FRYL: variants seen among roughly 807,000 people sequenced by gnomAD.
FRYL encodes the protein protein furry homolog-like.
Under a neutral mutation model 351.2 loss-of-function variants are expected in FRYL, and 150 were observed. That is an observed-to-expected ratio of 0.43 (90% confidence interval 0.37 to 0.49). The LOEUF (loss-of-function observed/expected upper bound fraction) is 0.49, where lower values mean the gene tolerates loss of function less well. FRYL is among the 20% of genes least tolerant of loss of function. FRYL has a pLI of 0.00. For synonymous variants in FRYL, 1,153 were observed against 1,257.1 expected (o/e 0.92, Z 1.75); for missense variants, 3,036 against 3,619.3 (o/e 0.84, Z 4.13).
intron 57 of FRYL, among the ~76,000 whole-genome samples, chr4:48,511,815 G>A (rs754916546): frequency 3.9e-5 from 6 of 152,108 alleles, no homozygotes; most frequent in Non-Finnish European, 8.8e-5. Context: ...CTTCCAAGAT[G>A]GGCAAAATTT....
chr4:48,624,801 C>T lies in FRYL; in HGVS notation c.121-1622G>A, dbSNP rs1298920923. Reference sequence around the variant, plus strand: ...CAGGAGCCTGAGTAAAGCAGATTGCCTTCCCCTATGTGGGTAGGTTTCATC... The same window carrying T: ...CAGGAGCCTGAGTAAAGCAGATTGCTTTCCCCTATGTGGGTAGGTTTCATC... On this transcript the variant is annotated intron_variant, in intron 4 of 63. Coordinates refer to ENST00000358350, the MANE Select transcript of FRYL (RefSeq NM_015030.2). Among the ~76,000 whole-genome samples, 3 of 152,168 alleles carry T rather than the reference C, an allele frequency of 2.0e-5. No individual in the cohort carries two copies. The East Asian group carries it at 5.8e-4, about 29-fold the overall frequency.
intron 3 of FRYL, among the ~76,000 whole-genome samples, chr4:48,653,120 C>G (rs944885186): frequency 6.6e-6 from 1 of 152,074 alleles, no homozygotes; most frequent in Admixed American, 6.6e-5. Flanking sequence ...AAGAGAGTTA[C>G]GGACAGAATA....
At chr4:48,642,538 G>A (rs535500322) in intron 3 of FRYL, among the ~76,000 whole-genome samples, 3 of 151,830 alleles carry the variant, frequency 2.0e-5, no homozygotes, top group Non-Finnish European at 4.4e-5. Flanking sequence ...ACTTCTGCTT[G>A]TTCTTTGGAC....
chr4:48,680,631 A>C (rs1344511813), intron 3 of FRYL, among the ~76,000 whole-genome samples: 2 of 152,068 alleles, frequency 1.3e-5, no homozygotes, highest in Non-Finnish European at 2.9e-5. Flanking sequence ...TTTTTTGTTT[A>C]CATATCCTAT....
rs200315334 is a variant in FRYL, at chr4:48,499,690, C to T, written c.8784-10G>A. ...ACTGGGCCAGAGAGATCTGAAAATA[C>T]ACAATAGTTTTTCAGTTCTGAGACT... On this transcript the variant is annotated splice_polypyrimidine_tract_variant and intron_variant, in intron 63 of 63. Transcript: ENST00000358350. The T allele has an allele frequency of 3.2e-5, 52 of 1,610,696 alleles. No individual in the cohort carries two copies. Among genetic ancestry groups the T allele is most frequent in the Non-Finnish European group, 3.7e-5 (44 of 1,178,024 alleles).
At chr4:48,515,989 C>A (rs1723510925) in intron 55 of FRYL, among the ~76,000 whole-genome samples, 1 of 152,020 alleles carries the variant, frequency 6.6e-6, no homozygotes, top group Non-Finnish European at 1.5e-5. Flanking sequence ...AAATAATTAA[C>A]CCACTCGTCC....
intron 1 of FRYL, among the ~76,000 whole-genome samples, chr4:48,720,535 A>T (rs551139523): frequency 4.6e-5 from 7 of 152,202 alleles, no homozygotes; most frequent in African/African-American, 1.7e-4. Flanking sequence ...ATTAAAATTT[A>T]AAAAAGGTGT....
Position 48,649,167 on chromosome 4 carries a change from T to C in FRYL, c.-80-14677A>G, listed in dbSNP as rs149652031. Among the ~76,000 whole-genome samples the C allele has an allele frequency of 1.6e-3, 238 of 152,276 alleles. 1 individual carries two copies. The highest frequency in any genetic ancestry group is 5.5e-3 in the African/African-American group (230 of 41,564). ...AACAAATGGTATTATTTCAATCAAA[T>C]AACACAGATTTTAACTGAAATTTAG... On this transcript the variant is annotated intron_variant, in intron 3 of 63. Coordinates refer to ENST00000358350, the MANE Select transcript of FRYL (RefSeq NM_015030.2).
rs907164520 is a variant in FRYL, at chr4:48,553,117, A to G, written c.4435+98T>C. On this transcript the variant is annotated intron_variant, in intron 36 of 63. Transcript: ENST00000358350. ...ATTGTATATATCTGAGATTCATAAC[A>G]TGTTATGGGACATAGAGACCCTAAA... 19 of 801,264 alleles carry G rather than the reference A, an allele frequency of 2.4e-5. No homozygotes were observed. The African/African-American group carries it at 3.3e-4, about 14-fold the overall frequency. 49.6% of individuals were successfully genotyped at this position (801,264 alleles called of 1,614,324 possible). A position where few individuals can be genotyped will look rare whatever the true frequency, so the allele number is the denominator to read the frequency against.
At chr4:48,555,663 G>A (rs1267927720) in intron 35 of FRYL, among the ~76,000 whole-genome samples, 1 of 152,200 alleles carries the variant, frequency 6.6e-6, no homozygotes, top group Non-Finnish European at 1.5e-5. Context: ...CAGCTGAAGG[G>A]TGGGAGCACC....
Position 48,539,963 on chromosome 4 carries a change from T to C in FRYL, c.6393+8A>G, listed in dbSNP as rs375589063. The C allele has an allele frequency of 9.4e-6, 15 of 1,594,452 alleles. No individual in the cohort carries two copies. The African/African-American group carries it at 2.0e-4, about 21-fold the overall frequency. On this transcript the variant is annotated splice_region_variant and intron_variant, in intron 47 of 63. Transcript: ENST00000358350. ...ATAGTGTTACCTTTCAGCATAACAT[T>C]TGCTTACCTTTGCTATTCGACTAGC...
chr4:48,709,074 C>T (rs563194625), intron 2 of FRYL, among the ~76,000 whole-genome samples: 1 of 152,020 alleles, frequency 6.6e-6, no homozygotes, highest in Non-Finnish European at 1.5e-5. Context: ...GCGCCCGCCA[C>T]CACGCCTGGC....
chr4:48,546,356 C>G, intron 41 of FRYL, 85 bp from the exon 42 acceptor site: 5 of 1,035,552 alleles, frequency 4.8e-6, no homozygotes, highest in South Asian at 1.5e-5. Flanking sequence ...GTTCCTTAGA[C>G]TCTATGGGAC....
intron 23 of FRYL, among the ~76,000 whole-genome samples, chr4:48,577,912 AAAG>A (rs1739985827): frequency 6.6e-6 from 1 of 151,552 alleles, no homozygotes; most frequent in Non-Finnish European, 1.5e-5. Context: ...ACAAAACAAA[AAAG>A]AAATCCAATA....
At chr4:48,747,913 A>T (rs1772848162) in intron 1 of FRYL, among the ~76,000 whole-genome samples, 1 of 152,234 alleles carries the variant, frequency 6.6e-6, no homozygotes, top group Admixed American at 6.5e-5. Flanking sequence ...AAGATTAAGA[A>T]TGTTGCGAGC....
intron 3 of FRYL, among the ~76,000 whole-genome samples, chr4:48,672,603 A>T (rs1370278841): frequency 6.6e-6 from 1 of 152,206 alleles, no homozygotes; most frequent in Non-Finnish European, 1.5e-5. Context: ...GGTCAGGCTG[A>T]AAGTTCCATA....
rs1453804969 is a variant in FRYL, at chr4:48,766,307, A to G, written c.-384+13771T>C. Among the ~76,000 whole-genome samples the G allele has an allele frequency of 2.0e-5, 3 of 152,034 alleles. No individual in the cohort carries two copies. The South Asian group carries it at 6.2e-4, about 32-fold the overall frequency. On this transcript the variant is annotated intron_variant, in intron 1 of 63. Coordinates refer to ENST00000358350, the MANE Select transcript of FRYL (RefSeq NM_015030.2). Reference sequence around the variant, plus strand: ...GCTGCAGGGGCTAGTCAGAGTCCACACTCCTGAGACTTTTACCTTCCTTCA... The same window carrying G: ...GCTGCAGGGGCTAGTCAGAGTCCACGCTCCTGAGACTTTTACCTTCCTTCA...
chr4:48,673,221 A>G (rs1204739676), intron 3 of FRYL, among the ~76,000 whole-genome samples: 1 of 152,232 alleles, frequency 6.6e-6, no homozygotes, highest in Non-Finnish European at 1.5e-5. Flanking sequence ...GAGTGTTACA[A>G]AAACTAATTA....
intron 3 of FRYL, among the ~76,000 whole-genome samples, chr4:48,667,705 T>A (rs1761976175): frequency 6.6e-6 from 1 of 152,142 alleles, no homozygotes; most frequent in African/African-American, 2.4e-5. Flanking sequence ...TGGAGTGCAG[T>A]GGTGCGATCT....
Sources: gnomAD v4.1 joint callset for allele counts (sites outside exome capture counted in the v4.1 genomes callset) on GRCh38, gnomAD v4.1.1 for gene constraint, MANE v1.5 for transcripts, NCBI Gene and HGNC (gene_info 2026-07-23, HGNC 2026-07-21) for gene names.